BFSP2: variants seen among roughly 807,000 people sequenced by gnomAD.
BFSP2 encodes phakinin.
BFSP2 carries 38 observed loss-of-function variants against 44.9 expected under a neutral mutation model. The observed-to-expected ratio is 0.85, with a 90% CI of 0.65 to 1.11. The LOEUF (loss-of-function observed/expected upper bound fraction) is 1.11, where lower values mean the gene tolerates loss of function less well. Ranked by LOEUF, BFSP2 falls within the 50% of genes least tolerant of loss-of-function variation. The probability of loss-of-function intolerance (pLI) is 0.00; values close to 1 mark genes in which losing one functional copy is unlikely to be tolerated. For missense variants in BFSP2, 525 were observed against 533.0 expected (o/e 0.99, Z 0.15); for synonymous variants, 197 against 209.9 (o/e 0.94, Z 0.53).
chr3:133,452,822 G>A (rs2073978047), intron 4 of BFSP2, among the ~76,000 whole-genome samples: 1 of 151,978 alleles, frequency 6.6e-6, no homozygotes, highest in Admixed American at 6.6e-5. Context: ...CTCCTGCGGT[G>A]TGCACCACAC....
chr3:133,433,402 T>C (rs1406480769), intron 1 of BFSP2, among the ~76,000 whole-genome samples: 2 of 152,166 alleles, frequency 1.3e-5, no homozygotes, highest in Non-Finnish European at 2.9e-5. Context: ...GGAAATAACT[T>C]CTCAGTGTTC....
At chr3:133,435,631 G>T (rs141319545) in intron 1 of BFSP2, among the ~76,000 whole-genome samples, 1 of 152,088 alleles carries the variant, frequency 6.6e-6, no homozygotes, top group Non-Finnish European at 1.5e-5. Flanking sequence ...TTAATTTTTC[G>T]GTCAGAATTG....
At chr3:133,441,813 C>T (rs2073847873) in intron 1 of BFSP2, among the ~76,000 whole-genome samples, 1 of 152,104 alleles carries the variant, frequency 6.6e-6, no homozygotes, top group Non-Finnish European at 1.5e-5. Context: ...ATAATACAAG[C>T]TTTGGTAAGT....
At chr3:133,455,587 A>G (rs1187441368) in intron 4 of BFSP2, 1 of 152,190 alleles carries the variant, frequency 6.6e-6, no homozygotes, top group East Asian at 1.9e-4. Flanking sequence ...TTACATGTCA[A>G]AATCTCTTCA....
rs879790985 is a variant in BFSP2 at position 133,424,217 on chromosome 3, T to TGTGTGTGTGTGTGTGTGTGTGTGTGTGTG, written c.490-23100_490-23099insGTGTGTGTGTGTGTGTGTGTGTGTGTGTG. On this transcript the variant is annotated intron_variant, in intron 1 of 6. Transcript: ENST00000302334. The stretch of plus-strand genomic sequence containing the variant: ...CCTACCACCGCGTCCAGCTAATTTT[T>TGTGTGTGTGTGTGTGTGTGTGTGTGTGTG]TTTTTTTTTTTTTTTTTTTTTTTTG... Among the ~76,000 whole-genome samples, 2 of 99,174 alleles carry TGTGTGTGTGTGTGTGTGTGTGTGTGTGTG rather than the reference T, an allele frequency of 2.0e-5. 1 individual carries two copies. Among genetic ancestry groups the TGTGTGTGTGTGTGTGTGTGTGTGTGTGTG allele is most frequent in the African/African-American group, 9.6e-5 (2 of 20,812 alleles). The allele number at this position is 99,174 out of a possible 152,430, so 65.1% of individuals were successfully genotyped here.
At chr3:133,454,343 TC>T (rs2073993859) in intron 4 of BFSP2, among the ~76,000 whole-genome samples, 1 of 152,092 alleles carries the variant, frequency 6.6e-6, no homozygotes, top group Admixed American at 6.5e-5. Flanking sequence ...TTTTAAAAAA[TC>T]CTTTTTGTCC....
chr3:133,472,365 C>T lies in BFSP2; in HGVS notation c.1044C>T (p.Thr348=). The T allele has an allele frequency of 6.8e-6, 11 of 1,613,294 alleles. No homozygotes were observed. Among genetic ancestry groups the T allele is most frequent in the Non-Finnish European group, 9.3e-6 (11 of 1,179,998 alleles). ...TGTAGAAACGAGGCCTGGAGAACACCTTGCACGATGCCAAGCACTGGCATG... is the reference window on the plus strand; with the variant it reads ...TGTAGAAACGAGGCCTGGAGAACACTTTGCACGATGCCAAGCACTGGCATG... ...LRALKRGLEN[T]LHDAKHWHDM... The change falls in exon 6 of 7, where the codon ACC becomes ACT. Residue 348 remains threonine, a synonymous_variant. Transcript: ENST00000302334.
chr3:133,439,957 CAG>C (rs2073828178), intron 1 of BFSP2, among the ~76,000 whole-genome samples: 1 of 152,052 alleles, frequency 6.6e-6, no homozygotes, highest in Non-Finnish European at 1.5e-5. Flanking sequence ...AGCAATGTCA[CAG>C]AGGGAGTATA....
intron 5 of BFSP2, among the ~76,000 whole-genome samples, chr3:133,468,584 T>C (rs2074133475): frequency 6.6e-6 from 1 of 152,216 alleles, no homozygotes; most frequent in Non-Finnish European, 1.5e-5. Context: ...GTAGCTAGCT[T>C]AGACCTCCTC....
At chr3:133,430,568 A>T (rs901400018) in intron 1 of BFSP2, among the ~76,000 whole-genome samples, 1 of 152,156 alleles carries the variant, frequency 6.6e-6, no homozygotes, top group Non-Finnish European at 1.5e-5. Context: ...AGAAAACGGC[A>T]CTTTCAATTT....
intron 1 of BFSP2, among the ~76,000 whole-genome samples, chr3:133,416,033 CCT>C (rs140120515): frequency 0.013 from 1,925 of 144,132 alleles, 73 homozygotes; most frequent in African/African-American, 0.049. Context: ...TCTACTCACC[CCT>C]GTCCTCTCCT....
At chr3:133,420,601 C>T (rs998330199) in intron 1 of BFSP2, among the ~76,000 whole-genome samples, 7 of 152,318 alleles carry the variant, frequency 4.6e-5, no homozygotes, top group Middle Eastern at 3.4e-3. Flanking sequence ...CAGCTGCCAA[C>T]GGTCAGGGCC....
chr3:133,420,602 G>T (rs540273698), intron 1 of BFSP2, among the ~76,000 whole-genome samples: 1 of 152,164 alleles, frequency 6.6e-6, no homozygotes, highest in African/African-American at 2.4e-5. Flanking sequence ...AGCTGCCAAC[G>T]GTCAGGGCCA....
chr3:133,474,883 A>T, intron 6 of BFSP2, 86 bp from the exon 7 acceptor site: 1 of 1,529,764 alleles, frequency 6.5e-7, no homozygotes, highest in Admixed American at 1.7e-5. Context: ...CTTTCATGAG[A>T]TGGCCCCCTT....
At chr3:133,438,373 A>G (rs2073811245) in intron 1 of BFSP2, among the ~76,000 whole-genome samples, 1 of 152,130 alleles carries the variant, frequency 6.6e-6, no homozygotes, top group African/African-American at 2.4e-5. Flanking sequence ...CTAAAAATAC[A>G]AAATTACAAA....
chr3:133,458,572 G>A (rs867791067), intron 4 of BFSP2, among the ~76,000 whole-genome samples: 10 of 152,310 alleles, frequency 6.6e-5, no homozygotes, highest in African/African-American at 2.4e-4. Flanking sequence ...GCACACACAT[G>A]TAATCCCAGC....
intron 4 of BFSP2, among the ~76,000 whole-genome samples, chr3:133,454,399 G>A (rs1034107969): frequency 3.3e-5 from 5 of 152,112 alleles, no homozygotes; most frequent in Admixed American, 6.5e-5. Context: ...ATGTAGGTTT[G>A]TTCCACACCA....
chr3:133,420,151 G>A (rs976472965), intron 1 of BFSP2, among the ~76,000 whole-genome samples: 2 of 152,164 alleles, frequency 1.3e-5, no homozygotes, highest in African/African-American at 4.8e-5. Context: ...TTAGCATGCC[G>A]CAGCAACAGA....
chr3:133,417,911 C>T (rs2073557736), intron 1 of BFSP2, among the ~76,000 whole-genome samples: 1 of 148,330 alleles, frequency 6.7e-6, no homozygotes, highest in African/African-American at 2.5e-5. Flanking sequence ...CCTCTACTCA[C>T]CCCTGCCATC....
Sources: gnomAD v4.1 joint callset for allele counts (sites outside exome capture counted in the v4.1 genomes callset) on GRCh38, gnomAD v4.1.1 for gene constraint, MANE v1.5 for transcripts, NCBI Gene and HGNC (gene_info 2026-07-23, HGNC 2026-07-21) for gene names.